The following WWP1 variants were observed in gnomAD, a reference collection of about 807,000 sequenced individuals.
WWP1 encodes the protein NEDD4-like E3 ubiquitin-protein ligase WWP1.
In WWP1, 49 loss-of-function variants were observed where a neutral mutation model predicts 130.6. That is an observed-to-expected ratio of 0.38 (90% CI 0.30 to 0.48). The LOEUF is 0.48. Ranked by LOEUF, WWP1 falls within the 20% of genes least tolerant of loss-of-function variation. The probability of loss-of-function intolerance (pLI) is 0.99; values close to 1 mark genes in which losing one functional copy is unlikely to be tolerated. For synonymous variants in WWP1, 332 were observed against 367.8 expected, an observed-to-expected ratio of 0.90 and a Z score of 1.11; for missense variants, 809 against 1,100.6, an observed-to-expected ratio of 0.74 and a Z score of 3.75.
intron 17 of WWP1, 85 bp from the exon 18 acceptor site, chr8:86,442,534 A>G: frequency 1.6e-6 from 2 of 1,272,726 alleles, no homozygotes; most frequent in South Asian, 1.7e-5. Context: ...GAGCAGAGGT[A>G]TGATGTATAT....
At chr8:86,400,692 A>C (rs994846982) in intron 7 of WWP1, among the ~76,000 whole-genome samples, 6 of 152,204 alleles carry the variant, frequency 3.9e-5, no homozygotes, top group African/African-American at 1.4e-4. Flanking sequence ...TAATTTTACC[A>C]CCTGGCATAT....
intron 10 of WWP1, among the ~76,000 whole-genome samples, 157 bp from the exon 11 acceptor site, chr8:86,427,486 G>A (rs1374058654): frequency 2.0e-5 from 3 of 152,156 alleles, no homozygotes; most frequent in Non-Finnish European, 4.4e-5. Context: ...GTGGTAGAAT[G>A]GGAAGGTAAT....
chr8:86,422,528 A>G (rs1809287020), intron 9 of WWP1, among the ~76,000 whole-genome samples: 4 of 146,296 alleles, frequency 2.7e-5, no homozygotes. Flanking sequence ...TGGCTGGCTA[A>G]TTTTTTTTTT....
intron 9 of WWP1, among the ~76,000 whole-genome samples, chr8:86,416,920 TC>T (rs1328710121): frequency 6.6e-6 from 1 of 152,036 alleles, no homozygotes; most frequent in Non-Finnish European, 1.5e-5. Context: ...CTGTACCACT[TC>T]CCCCTGAAAG....
chr8:86,344,785 G>T (rs1055282288), intron 1 of WWP1, among the ~76,000 whole-genome samples: 96 of 152,284 alleles, frequency 6.3e-4, no homozygotes, highest in African/African-American at 2.3e-3. Context: ...CAGAGTTCCT[G>T]TTTGGGGAAA....
At position 86,351,246 on chromosome 8, in the gene WWP1, A is replaced by G. The variant is rs185716499; in HGVS notation, c.-115+8316A>G. Reference sequence around the variant, plus strand: ...CAGTATTATGAAGTTGAAAATTCAAACAAGTATTCACTTTGCTGTGAGCTA... The same window carrying G: ...CAGTATTATGAAGTTGAAAATTCAAGCAAGTATTCACTTTGCTGTGAGCTA... On this transcript the variant is annotated intron_variant, in intron 1 of 24. Coordinates refer to ENST00000517970, the MANE Select transcript of WWP1 (RefSeq NM_007013.4). Among the ~76,000 whole-genome samples, 12 of 152,338 alleles carry G rather than the reference A, an allele frequency of 7.9e-5. No individual in the cohort carries two copies. The East Asian group carries it at 2.1e-3, about 27-fold the overall frequency.
intron 17 of WWP1, among the ~76,000 whole-genome samples, chr8:86,441,267 A>C (rs1028243851): frequency 6.6e-6 from 1 of 152,206 alleles, no homozygotes; most frequent in Non-Finnish European, 1.5e-5. Flanking sequence ...GTCTTACTTC[A>C]GCCTCATCAT....
At chr8:86,349,742 G>A (rs111318375) in intron 1 of WWP1, among the ~76,000 whole-genome samples, 22 of 151,918 alleles carry the variant, frequency 1.4e-4, no homozygotes, top group African/African-American at 5.3e-4. Flanking sequence ...CCATAATAGG[G>A]TAGGATTGAC....
At chr8:86,423,927 C>T (rs1339925169) in intron 9 of WWP1, among the ~76,000 whole-genome samples, 23 of 114,682 alleles carry the variant, frequency 2.0e-4, no homozygotes, top group Non-Finnish European at 3.7e-4. Context: ...CCAGATGGGG[C>T]GGCTGGCCGG....
intron 1 of WWP1, among the ~76,000 whole-genome samples, chr8:86,357,694 G>A (rs1378460419): frequency 2.0e-5 from 3 of 152,224 alleles, no homozygotes; most frequent in African/African-American, 2.4e-5. Context: ...CTGGATAAAA[G>A]TAGCTATAAT....
At chr8:86,457,626 T>C (rs1202651617) in intron 21 of WWP1, among the ~76,000 whole-genome samples, 1 of 152,040 alleles carries the variant, frequency 6.6e-6, no homozygotes, top group Non-Finnish European at 1.5e-5. Flanking sequence ...CACCATACCA[T>C]ATATACATAC....
chr8:86,430,795 C>T, intron 12 of WWP1, 44 bp downstream of exon 12: 1 of 309,798 alleles, frequency 3.2e-6, no homozygotes, highest in Non-Finnish European at 4.9e-6. Flanking sequence ...ATATATATCT[C>T]TCCATATATA....
At chr8:86,464,538 TAG>T (rs1160111385) in intron 24 of WWP1, among the ~76,000 whole-genome samples, 1 of 152,008 alleles carries the variant, frequency 6.6e-6, no homozygotes, top group East Asian at 1.9e-4. Flanking sequence ...TTTCCCAAGA[TAG>T]AGTCTTGCTG....
chr8:86,398,206 A>G (rs1807785501), intron 5 of WWP1, 136 bp from the exon 6 acceptor site: 4 of 903,278 alleles, frequency 4.4e-6, no homozygotes, highest in Admixed American at 2.5e-5. Flanking sequence ...TTACTTAACT[A>G]GTTGTCAAAG....
intron 5 of WWP1, among the ~76,000 whole-genome samples, chr8:86,390,680 C>CA (rs1807267842): frequency 7.9e-6 from 1 of 126,662 alleles, no homozygotes; most frequent in Non-Finnish European, 1.6e-5. Context: ...AGAGGGAGAC[C>CA]GTGGAAAGTG....
At chr8:86,462,234 C>T (rs902746815) in intron 24 of WWP1, among the ~76,000 whole-genome samples, 11 of 152,078 alleles carry the variant, frequency 7.2e-5, no homozygotes, top group Non-Finnish European at 1.6e-4. Context: ...GAACAACTAA[C>T]GGGAACCTAC....
chr8:86,449,598 G>A (rs1028828941), intron 20 of WWP1, among the ~76,000 whole-genome samples: 2 of 152,182 alleles, frequency 1.3e-5, no homozygotes, highest in African/African-American at 2.4e-5. Flanking sequence ...CCCATGGGCC[G>A]TAATTTGCCA....
rs1809833337 is a variant in WWP1 at position 86,429,785 on chromosome 8, AT to A, written c.1333-910del. Among the ~76,000 whole-genome samples, 4 of 152,280 alleles carry A rather than the reference AT, an allele frequency of 2.6e-5. No individual in the cohort carries two copies. In the South Asian group the frequency reaches 8.3e-4, roughly 32 times the overall value. On this transcript the variant is annotated intron_variant, in intron 11 of 24. Coordinates refer to ENST00000517970, the MANE Select transcript of WWP1 (RefSeq NM_007013.4). Reference sequence around the variant, plus strand: ...CTCCCATTTCATCTTCCCTCTATAGATTAGTATGGAAGGACTGGGAGAGTAA... The same window carrying A: ...CTCCCATTTCATCTTCCCTCTATAGATAGTATGGAAGGACTGGGAGAGTAA...
At position 86,361,980 on chromosome 8, in the gene WWP1, A is replaced by G. The variant is rs540779687; in HGVS notation, c.-114-6959A>G. 7.1e-3 allele frequency among the ~76,000 whole-genome samples: 995 copies of G among 140,692 alleles called. 11 individuals carry two copies. The highest frequency in any genetic ancestry group is 0.024 in the African/African-American group (951 of 39,436). 92.3% of individuals were successfully genotyped at this position (140,692 alleles called of 152,430 possible). Reference sequence around the variant, plus strand: ...ATATGCCTAGTGTGTGTGTGTATATATATATATATATACATATATATACAC... The same window carrying G: ...ATATGCCTAGTGTGTGTGTGTATATGTATATATATATACATATATATACAC... On this transcript the variant is annotated intron_variant, in intron 1 of 24. Transcript: ENST00000517970.
Sources: allele counts gnomAD v4.1 joint callset (sites outside exome capture counted in the v4.1 genomes callset), GRCh38; gene constraint gnomAD v4.1.1; transcripts MANE v1.5; gene names NCBI Gene and HGNC (gene_info 2026-07-23, HGNC 2026-07-21).